SYT1: variants seen among roughly 807,000 people sequenced by gnomAD.
SYT1 encodes synaptotagmin-1.
Under a neutral mutation model 44.8 loss-of-function variants are expected in SYT1, and 8 were observed. The ratio of observed to expected loss-of-function variants is 0.18; its 90% CI spans 0.10 to 0.32. SYT1 has a LOEUF of 0.32. SYT1 is among the 10% of genes least tolerant of loss of function. The pLI is 1.00. For missense variants in SYT1, 286 were observed against 509.3 expected (o/e 0.56, Z 4.22); for synonymous variants, 154 against 188.8 (o/e 0.82, Z 1.51).
chr12:79,433,464 TTCA>T (rs1565955920), intron 9 of SYT1, among the ~76,000 whole-genome samples: 1 of 152,246 alleles, frequency 6.6e-6, no homozygotes, highest in Non-Finnish European at 1.5e-5. Flanking sequence ...CTGATATTAT[TTCA>T]TCAATTAGAA....
intron 2 of SYT1, among the ~76,000 whole-genome samples, chr12:79,010,897 C>G (rs1267107538): frequency 6.6e-6 from 1 of 152,156 alleles, no homozygotes; most frequent in African/African-American, 2.4e-5. Flanking sequence ...CAATCTTGCT[C>G]CCATAAGAAT....
intron 1 of SYT1, among the ~76,000 whole-genome samples, chr12:78,922,143 A>G (rs987038874): frequency 6.6e-6 from 1 of 151,988 alleles, no homozygotes; most frequent in Non-Finnish European, 1.5e-5. Context: ...AGGTTTTATG[A>G]ACTCTGAGAT....
At chr12:78,979,243 C>CA (rs1288835315) in intron 2 of SYT1, among the ~76,000 whole-genome samples, 1 of 152,100 alleles carries the variant, frequency 6.6e-6, no homozygotes, top group Admixed American at 6.6e-5. Flanking sequence ...AATGTCCTTG[C>CA]AGTATGATTC....
intron 3 of SYT1, among the ~76,000 whole-genome samples, chr12:79,171,234 C>T (rs1871502752): frequency 6.6e-6 from 1 of 151,974 alleles, no homozygotes; most frequent in Admixed American, 6.6e-5. Flanking sequence ...TAAAGAATGT[C>T]AAGAGTAGTT....
intron 2 of SYT1, among the ~76,000 whole-genome samples, chr12:78,978,737 T>G (rs1201593875): frequency 6.6e-6 from 1 of 152,198 alleles, no homozygotes; most frequent in East Asian, 1.9e-4. Flanking sequence ...GCCTTTCACA[T>G]TACTTCCACT....
chr12:79,127,858 AT>A (rs372419792), intron 3 of SYT1, among the ~76,000 whole-genome samples: 2 of 152,314 alleles, frequency 1.3e-5, no homozygotes, highest in African/African-American at 2.4e-5. Context: ...GTTGATTAAT[AT>A]TGTTTAATGT....
At chr12:79,000,884 C>A (rs1870697123) in intron 2 of SYT1, among the ~76,000 whole-genome samples, 1 of 152,066 alleles carries the variant, frequency 6.6e-6, no homozygotes, top group Non-Finnish European at 1.5e-5. Flanking sequence ...TTCAGTTTCT[C>A]CAAGAAATGC....
At chr12:79,126,475 G>A (rs1334691344) in intron 3 of SYT1, among the ~76,000 whole-genome samples, 3 of 152,206 alleles carry the variant, frequency 2.0e-5, no homozygotes, top group Non-Finnish European at 4.4e-5. Context: ...TGGCCAGGAT[G>A]GTCTCGATCT....
chr12:79,420,914 TCTC>T (rs538295502), intron 9 of SYT1, among the ~76,000 whole-genome samples: 2 of 152,208 alleles, frequency 1.3e-5, no homozygotes, highest in East Asian at 1.9e-4. Flanking sequence ...CTTCAGAACA[TCTC>T]CTAGAATTTC....
At chr12:78,932,329 T>G (rs552141605) in intron 1 of SYT1, among the ~76,000 whole-genome samples, 51 of 152,188 alleles carry the variant, frequency 3.4e-4, no homozygotes, top group Non-Finnish European at 6.2e-4. Flanking sequence ...CCTTAATGCT[T>G]TCTGTGCCTC....
At chr12:78,939,536 A>G (rs1878241489) in intron 1 of SYT1, among the ~76,000 whole-genome samples, 2 of 152,188 alleles carry the variant, frequency 1.3e-5, no homozygotes, top group Non-Finnish European at 2.9e-5. Flanking sequence ...AATTAAAATC[A>G]ATACAAAATA....
intron 2 of SYT1, among the ~76,000 whole-genome samples, chr12:79,014,701 C>CTAT (rs1304120431): frequency 6.6e-6 from 1 of 152,118 alleles, no homozygotes; most frequent in Admixed American, 6.6e-5. Flanking sequence ...CCCAGCCATC[C>CTAT]TATTACTGGG....
chr12:79,290,987 T>A (rs1026577006), intron 5 of SYT1, among the ~76,000 whole-genome samples: 1 of 152,226 alleles, frequency 6.6e-6, no homozygotes, highest in African/African-American at 2.4e-5. Flanking sequence ...ATTATTCTAA[T>A]TACTTAAAGC....
intron 9 of SYT1, among the ~76,000 whole-genome samples, chr12:79,404,932 C>T (rs186070011): frequency 6.6e-6 from 1 of 152,072 alleles, no homozygotes; most frequent in African/African-American, 2.4e-5. Context: ...TTAAGGCAGC[C>T]TGTATGTGAG....
intron 8 of SYT1, among the ~76,000 whole-genome samples, chr12:79,320,569 A>G (rs1451364267): frequency 6.6e-6 from 1 of 151,468 alleles, no homozygotes; most frequent in East Asian, 1.9e-4. Flanking sequence ...TCCAAACGTC[A>G]TATCAGCTGG....
chr12:79,085,317 TCAAA>T (rs1415911716), intron 3 of SYT1, among the ~76,000 whole-genome samples: 3 of 152,174 alleles, frequency 2.0e-5, no homozygotes, highest in South Asian at 4.1e-4. Context: ...ATGTCTGTGC[TCAAA>T]CAGTTTCAAG....
At chr12:78,876,469 T>G (rs1369702965) in intron 1 of SYT1, among the ~76,000 whole-genome samples, 3 of 144,514 alleles carry the variant, frequency 2.1e-5, no homozygotes, top group African/African-American at 7.7e-5. Context: ...AGGTGTTTTT[T>G]TTTTTTTTTT....
At chr12:79,043,262 A>T (rs1237318542) in intron 2 of SYT1, among the ~76,000 whole-genome samples, 1 of 149,122 alleles carries the variant, frequency 6.7e-6, no homozygotes, top group Non-Finnish European at 1.5e-5. Context: ...TGGGAGTCTA[A>T]GTCTCTTTGT....
At chr12:79,214,681 T>C (rs577722827) in intron 3 of SYT1, among the ~76,000 whole-genome samples, 4 of 152,304 alleles carry the variant, frequency 2.6e-5, no homozygotes, top group African/African-American at 7.2e-5. Context: ...CCAGCAACAA[T>C]ATCCCACCTC....
Sources: gnomAD v4.1 joint callset for allele counts (sites outside exome capture counted in the v4.1 genomes callset) on GRCh38, gnomAD v4.1.1 for gene constraint, MANE v1.5 for transcripts, NCBI Gene and HGNC (gene_info 2026-07-23, HGNC 2026-07-21) for gene names.